SLC12A7: variants seen among roughly 807,000 people sequenced by gnomAD.
The protein encoded by SLC12A7 is solute carrier family 12 member 7.
SLC12A7 carries 100 observed loss-of-function variants against 120.6 expected under a neutral mutation model. The ratio of observed to expected loss-of-function variants is 0.83; its 90% CI spans 0.71 to 0.98. The LOEUF (loss-of-function observed/expected upper bound fraction) is 0.98, where lower values mean the gene tolerates loss of function less well. Ranked by LOEUF, SLC12A7 falls within the 50% of genes least tolerant of loss-of-function variation. SLC12A7 has a pLI of 0.00. For synonymous variants in SLC12A7, 760 were observed against 678.0 expected, an observed-to-expected ratio of 1.12 and a Z score of -1.88; for missense variants, 1,373 against 1,548.1, an observed-to-expected ratio of 0.89 and a Z score of 1.90.
Position 1,078,714 on chromosome 5 carries a change from C to A in SLC12A7, c.1441G>T (p.Val481Phe). The A allele has an allele frequency of 6.2e-7, 1 of 1,612,332 alleles. No homozygotes were observed. Among genetic ancestry groups the A allele is most frequent in the Non-Finnish European group, 8.5e-7 (1 of 1,179,714 alleles). ...GTGGAAACGTACTTATCTCGTAAGA[C>A]CACGCCTTCAATGCAGGCCCCAAAC... is the stretch of plus-strand genomic sequence containing the variant. The part of the protein sequence containing the change: ...VLFGACIEGV[V>F]LRDKFGEALQ... Residue 481 changes from valine to phenylalanine, a missense_variant, in exon 11 of 24, where the codon GTC becomes TTC. Val to Phe is a conservative substitution (Grantham distance 50, BLOSUM62 -1). Coordinates refer to ENST00000264930, the MANE Select transcript of SLC12A7 (RefSeq NM_006598.3).
At chr5:1,146,517 C>T in the SLC12A7 span, among the ~76,000 whole-genome samples, 2 of 152,214 alleles carry the variant, frequency 1.3e-5, no homozygotes, top group African/African-American at 2.4e-5. This position sits in a 1 kb window ranked among gnomAD's most constrained non-coding sequence, Gnocchi z 6.5. Context: ...ATGGACCCCT[C>T]CTCTGGGCCA....
At position 1,104,067 on chromosome 5, in the gene SLC12A7, C is replaced by T. The variant is rs560854638; in HGVS notation, c.124+7801G>A. Among the ~76,000 whole-genome samples the T allele has an allele frequency of 1.6e-3, 241 of 152,304 alleles. 1 individual carries two copies. Among genetic ancestry groups the T allele is most frequent in the Non-Finnish European group, 1.9e-3 (128 of 68,008 alleles). Reference sequence around the variant, plus strand: ...TTACAGGCTGCCTCTGGGCTGCGGTCGGGGACCCTTGGCGGCATGGAGGGG... The same window carrying T: ...TTACAGGCTGCCTCTGGGCTGCGGTTGGGGACCCTTGGCGGCATGGAGGGG... On this transcript the variant is annotated intron_variant, in intron 1 of 23. Transcript: ENST00000264930.
At chr5:1,127,093 C>A in the SLC12A7 span, among the ~76,000 whole-genome samples, 1 of 152,200 alleles carries the variant, frequency 6.6e-6, no homozygotes, top group African/African-American at 2.4e-5. Context: ...CGGCTCACTG[C>A]AACCTCCACC....
chr5:1,108,532 T>A (rs1360324844), intron 1 of SLC12A7, among the ~76,000 whole-genome samples: 2 of 152,116 alleles, frequency 1.3e-5, no homozygotes, highest in East Asian at 3.9e-4. Context: ...CTGCCTCCCA[T>A]GTCCGTGTCG....
chr5:1,076,178 G>A lies in SLC12A7; in HGVS notation c.1807C>T (p.Arg603Cys), dbSNP rs765653137. ...NLACAVQTLL[R>C]TPNWRPRFKF... ...AAGCGTGGACGCCAGTTGGGGGTAC[G>A]TAGCAGGGTCTGCACGGCGCAGGCC... is the stretch of plus-strand genomic sequence containing the variant. The change falls in exon 14 of 24, where the codon CGT (arginine) becomes TGT (cysteine). Residue 603 changes from arginine (R) to cysteine (C), a missense_variant. Arg to Cys is a radical substitution (Grantham distance 180, BLOSUM62 -3). Transcript: ENST00000264930. 50 of 1,612,390 alleles carry A rather than the reference G, an allele frequency of 3.1e-5. No homozygotes were observed. Among genetic ancestry groups the A allele is most frequent in the African/African-American group, 5.3e-5 (4 of 74,928 alleles).
At chr5:1,111,808 G>C in intron 1 of SLC12A7, 60 bp downstream of exon 1, 2 of 1,189,382 alleles carry the variant, frequency 1.7e-6, no homozygotes, top group Non-Finnish European at 2.1e-6. Flanking sequence ...CCCGGATGCC[G>C]GGCCCAGACC....
the SLC12A7 span, among the ~76,000 whole-genome samples, chr5:1,150,658 A>C: frequency 4.6e-5 from 7 of 152,288 alleles, no homozygotes; most frequent in Non-Finnish European, 7.3e-5. Context: ...GCCAAAATTA[A>C]AATCACTGAG....
upstream of SLC12A7, among the ~76,000 whole-genome samples, chr5:1,112,191 T>A (rs1743077158): frequency 6.6e-6 from 1 of 151,844 alleles, no homozygotes; most frequent in African/African-American, 2.4e-5. Flanking sequence ...CAACCCAGGC[T>A]GCGTCTGTCT....
At position 1,074,579 on chromosome 5, in the gene SLC12A7, G is replaced by C. The variant is rs367548007; in HGVS notation, c.2060C>G (p.Thr687Ser). 3 of 1,612,308 alleles carry C rather than the reference G, an allele frequency of 1.9e-6. No individual in the cohort carries two copies. The highest frequency in any genetic ancestry group is 2.5e-6 in the Non-Finnish European group (3 of 1,179,624). ...LLRVEHGPPHTKNWRPQVLVM... is the reference protein window; with the variant it reads ...LLRVEHGPPHSKNWRPQVLVM... The stretch of plus-strand genomic sequence containing the variant: ...GGGCGGTGCTCACCTCCAGTTCTTG[G>C]TGTGGGGGGGACCGTGCTCCACGCG... Residue 687 changes from threonine to serine, a missense_variant, in exon 16 of 24, where the codon ACC becomes AGC. By Grantham distance (58) the Thr-to-Ser change is moderately conservative (BLOSUM62 1). Transcript: ENST00000264930.
chr5:1,059,109 T>G, intron 21 of SLC12A7, among the ~76,000 whole-genome samples: 1 of 152,216 alleles, frequency 6.6e-6, no homozygotes, highest in Non-Finnish European at 1.5e-5. Context: ...CTCAGGGACC[T>G]GGCCTGGACA....
At position 1,079,121 on chromosome 5, in the gene SLC12A7, C is replaced by T. The variant is rs532975286; in HGVS notation, c.1396+277G>A. 3.8e-3 allele frequency among the ~76,000 whole-genome samples: 580 copies of T among 152,254 alleles called. 2 individuals are homozygous for T. The highest frequency in any genetic ancestry group is 0.013 in the African/African-American group (527 of 41,550). ...CAGAGGCCCCGCGGGCCCAGCCTGC[C>T]GGCGGCACACCCCACACACCGCTGC... On this transcript the variant is annotated intron_variant, in intron 10 of 23. Coordinates refer to ENST00000264930, the MANE Select transcript of SLC12A7 (RefSeq NM_006598.3).
intron 3 of SLC12A7, among the ~76,000 whole-genome samples, chr5:1,092,912 G>C (rs1740682478): frequency 6.6e-6 from 1 of 152,114 alleles, no homozygotes; most frequent in South Asian, 2.1e-4. Context: ...CAGGGCCTCA[G>C]GCCTCAGGGT....
Position 1,079,405 on chromosome 5 carries a change from A to G in SLC12A7, c.1389T>C (p.Ser463=), listed in dbSNP as rs200842525. The G allele has an allele frequency of 6.2e-7, 1 of 1,612,252 alleles. No homozygotes were observed. The highest frequency in any genetic ancestry group is 2.2e-5 in the East Asian group (1 of 44,864). The change falls in exon 10 of 24, where the codon TCT becomes TCC. Residue 463 remains serine, a synonymous_variant. Transcript: ENST00000264930. ...TGTILAIVTT[S]FIYLSCIVLF... The stretch of plus-strand genomic sequence containing the variant: ...GCACCCCTCCAAGGATACAGATGAA[A>G]GACGTCGTCACTATGGCCAGGATGG...
chr5:1,111,549 C>T (rs1040074151), intron 1 of SLC12A7, among the ~76,000 whole-genome samples: 1 of 152,128 alleles, frequency 6.6e-6, no homozygotes, highest in African/African-American at 2.4e-5. Flanking sequence ...AGGGACCACC[C>T]AGGGGCCCGG....
At chr5:1,132,509 G>A in the SLC12A7 span, among the ~76,000 whole-genome samples, 1 of 151,960 alleles carries the variant, frequency 6.6e-6, no homozygotes, top group Non-Finnish European at 1.5e-5. Flanking sequence ...GGGTCGTCTG[G>A]ATTGGGGCCC....
the SLC12A7 span, among the ~76,000 whole-genome samples, chr5:1,118,556 G>A: frequency 1.3e-5 from 2 of 152,218 alleles, no homozygotes; most frequent in Non-Finnish European, 1.5e-5. Context: ...GGCCAAATGC[G>A]AAGGCCGCCA....
At chr5:1,074,745 C>CTGGGGGCAGGTGAG in intron 15 of SLC12A7, 74 bp from the exon 16 acceptor site, 1 of 1,423,098 alleles carries the variant, frequency 7.0e-7, no homozygotes, top group Non-Finnish European at 9.7e-7. Flanking sequence ...AAGGGGACTT[C>CTGGGGGCAGGTGAG]TGGGGGCAGG....
At chr5:1,115,585 G>A (rs911649142), upstream of SLC12A7, among the ~76,000 whole-genome samples, 4 of 152,228 alleles carry the variant, frequency 2.6e-5, no homozygotes, top group Non-Finnish European at 5.9e-5. Flanking sequence ...CAGGCAGGGC[G>A]CACCTCCAGG....
At chr5:1,124,621 C>T in the SLC12A7 span, among the ~76,000 whole-genome samples, 5 of 152,140 alleles carry the variant, frequency 3.3e-5, no homozygotes, top group East Asian at 7.7e-4. Flanking sequence ...AGCCTTGCGG[C>T]GCTGGACACA....
Sources: gnomAD v4.1 joint callset for allele counts (sites outside exome capture counted in the v4.1 genomes callset) on GRCh38, gnomAD v4.1.1 for gene constraint, Gnocchi (gnomAD v3.1) non-coding constraint, MANE v1.5 for transcripts, NCBI Gene and HGNC (gene_info 2026-07-23, HGNC 2026-07-21) for gene names.